The following PABPC4L variants were observed in gnomAD, a reference collection of about 807,000 sequenced individuals.
PABPC4L encodes the protein polyadenylate-binding protein 4-like.
For synonymous variants in PABPC4L, 169 were observed against 164.1 expected, an observed-to-expected ratio of 1.03 and a Z score of -0.23; for missense variants, 452 against 451.4, an observed-to-expected ratio of 1.00 and a Z score of -0.01.
At chr4:134,071,832 G>T in the PABPC4L span, among the ~76,000 whole-genome samples, 23 of 152,160 alleles carry the variant, frequency 1.5e-4, no homozygotes, top group Non-Finnish European at 3.1e-4. Context: ...TCCCTGTTAA[G>T]AATAATGAAG....
chr4:134,095,761 G>A, the PABPC4L span, among the ~76,000 whole-genome samples: 6 of 151,762 alleles, frequency 4.0e-5, no homozygotes, highest in Non-Finnish European at 7.4e-5. Flanking sequence ...TTGCACTTTA[G>A]TACCTATACA....
the PABPC4L span, among the ~76,000 whole-genome samples, chr4:133,962,177 G>A: frequency 6.6e-6 from 1 of 152,184 alleles, no homozygotes; most frequent in African/African-American, 2.4e-5. Context: ...TAACCCAAAT[G>A]AGAAGGAACC....
At chr4:134,090,369 A>T in the PABPC4L span, among the ~76,000 whole-genome samples, 1 of 152,084 alleles carries the variant, frequency 6.6e-6, no homozygotes, top group African/African-American at 2.4e-5. Context: ...AAACATTTAG[A>T]TTCCTGATCC....
chr4:134,094,874 G>T, the PABPC4L span, among the ~76,000 whole-genome samples: 7 of 151,740 alleles, frequency 4.6e-5, no homozygotes, highest in East Asian at 1.2e-3. Flanking sequence ...ATAATACACT[G>T]TAATTTTTCT....
At chr4:133,986,816 A>T in the PABPC4L span, among the ~76,000 whole-genome samples, 3 of 151,760 alleles carry the variant, frequency 2.0e-5, no homozygotes, top group African/African-American at 7.3e-5. Context: ...GCTCACTGCA[A>T]CCTCTGACTC....
chr4:134,100,300 T>C, the PABPC4L span, among the ~76,000 whole-genome samples: 1 of 151,710 alleles, frequency 6.6e-6, no homozygotes. Flanking sequence ...GCACCTTTTT[T>C]GTAAATTGAA....
At chr4:134,098,051 AT>A in the PABPC4L span, among the ~76,000 whole-genome samples, 1 of 151,820 alleles carries the variant, frequency 6.6e-6, no homozygotes, top group Non-Finnish European at 1.5e-5. Context: ...CCTGAAAAAA[AT>A]ATAGGTATTC....
the PABPC4L span, among the ~76,000 whole-genome samples, chr4:133,950,717 T>A: frequency 6.6e-6 from 1 of 152,192 alleles, no homozygotes; most frequent in Non-Finnish European, 1.5e-5. Flanking sequence ...CTAAATAGTC[T>A]AACTTTTTCC....
At chr4:134,169,124 C>T in the PABPC4L span, among the ~76,000 whole-genome samples, 2 of 152,102 alleles carry the variant, frequency 1.3e-5, no homozygotes, top group South Asian at 2.1e-4. Flanking sequence ...GGATTCTTCC[C>T]GTAAATGCAA....
At chr4:134,113,352 G>C in the PABPC4L span, among the ~76,000 whole-genome samples, 2 of 151,932 alleles carry the variant, frequency 1.3e-5, no homozygotes, top group African/African-American at 4.8e-5. Flanking sequence ...TTCGTGGTAA[G>C]TGACGTATAC....
At chr4:133,968,709 T>G in the PABPC4L span, among the ~76,000 whole-genome samples, 1 of 151,986 alleles carries the variant, frequency 6.6e-6, no homozygotes, top group Admixed American at 6.5e-5. Flanking sequence ...AAGAAAAAAA[T>G]AATACTCTAT....
the PABPC4L span, among the ~76,000 whole-genome samples, chr4:133,979,647 C>T: frequency 2.0e-5 from 3 of 152,146 alleles, no homozygotes; most frequent in East Asian, 3.9e-4. Flanking sequence ...GGTCCTCTCA[C>T]ATTTACCAGA....
chr4:134,006,901 C>CAA, the PABPC4L span, among the ~76,000 whole-genome samples: 16 of 148,014 alleles, frequency 1.1e-4, no homozygotes, highest in Admixed American at 2.7e-4. Flanking sequence ...AGCAATGATG[C>CAA]AAAAAAAAAA....
At chr4:134,078,967 C>CTTT in the PABPC4L span, among the ~76,000 whole-genome samples, 11 of 63,802 alleles carry the variant, frequency 1.7e-4, no homozygotes, top group East Asian at 7.9e-4. Flanking sequence ...CGTGCCCGGG[C>CTTT]TTTTTTTTTT....
At chr4:133,951,647 C>A in the PABPC4L span, among the ~76,000 whole-genome samples, 20 of 152,214 alleles carry the variant, frequency 1.3e-4, no homozygotes, top group Non-Finnish European at 4.4e-5. Context: ...TCTACTGTTA[C>A]AAACATATGA....
the PABPC4L span, among the ~76,000 whole-genome samples, chr4:134,063,589 GT>G: frequency 6.6e-6 from 1 of 152,028 alleles, no homozygotes; most frequent in Admixed American, 6.6e-5. Context: ...TGTATACTGT[GT>G]CACAGAGGAG....
At chr4:134,068,765 G>A in the PABPC4L span, among the ~76,000 whole-genome samples, 5 of 151,272 alleles carry the variant, frequency 3.3e-5, no homozygotes, top group South Asian at 8.4e-4. Flanking sequence ...CTGGAGTGCA[G>A]TGGTGCAGTC....
At chr4:133,968,272 G>T in the PABPC4L span, among the ~76,000 whole-genome samples, 1 of 152,198 alleles carries the variant, frequency 6.6e-6, no homozygotes, top group Non-Finnish European at 1.5e-5. Context: ...ATAGGCTAGA[G>T]ATTAGGAGGT....
the PABPC4L span, among the ~76,000 whole-genome samples, chr4:134,029,585 A>G: frequency 6.6e-6 from 1 of 151,976 alleles, no homozygotes; most frequent in Admixed American, 6.6e-5. Flanking sequence ...GAATAGGGTA[A>G]ACTTTTAAAA....
Sources: allele counts gnomAD v4.1 joint callset (sites outside exome capture counted in the v4.1 genomes callset), GRCh38; gene constraint gnomAD v4.1.1; transcripts MANE v1.5; gene names NCBI Gene and HGNC (gene_info 2026-07-23, HGNC 2026-07-21).